ADGRB3: variants seen among roughly 807,000 people sequenced by gnomAD.
The protein encoded by ADGRB3 is adhesion G protein-coupled receptor B3.
A neutral mutation model predicts 193.4 loss-of-function variants in ADGRB3; 37 were observed. That is an observed-to-expected ratio of 0.19 (90% CI 0.15 to 0.25). The LOEUF (loss-of-function observed/expected upper bound fraction) is 0.25. ADGRB3 is among the 10% of genes least tolerant of loss of function. The probability of loss-of-function intolerance (pLI) is 1.00; values close to 1 mark genes in which losing one functional copy is unlikely to be tolerated. For missense variants in ADGRB3, 1,637 were observed against 1,852.9 expected (o/e 0.88, Z 2.14); for synonymous variants, 690 against 644.2 (o/e 1.07, Z -1.08).
At position 69,388,967 on chromosome 6, in the gene ADGRB3, T is replaced by C; in HGVS notation, c.*76T>C. ...TAAGACTTGGGAAGCCTGACATTTCTATCTGGACAGTGTGACTATCTTATG... is the reference window on the plus strand; with the variant it reads ...TAAGACTTGGGAAGCCTGACATTTCCATCTGGACAGTGTGACTATCTTATG... On this transcript the variant is annotated 3_prime_UTR_variant, in exon 32 of 32. Transcript: ENST00000370598. 1 of 1,405,572 alleles carries C rather than the reference T, an allele frequency of 7.1e-7. No individual in the cohort carries two copies. Among genetic ancestry groups the C allele is most frequent in the East Asian group, 2.4e-5 (1 of 41,664 alleles). 87.1% of individuals were successfully genotyped at this position (1,405,572 alleles called of 1,614,324 possible). A position where few individuals can be genotyped will look rare whatever the true frequency, so the allele number is the denominator to read the frequency against.
intron 17 of ADGRB3, among the ~76,000 whole-genome samples, chr6:69,086,713 TTTTA>T (rs764294806): frequency 1.3e-5 from 2 of 152,090 alleles, no homozygotes; most frequent in Non-Finnish European, 2.9e-5. Flanking sequence ...TGTCAGAAAT[TTTTA>T]TTTATTTAAA....
At chr6:69,279,452 C>CTGTGTGTG (rs56686568) in intron 20 of ADGRB3, among the ~76,000 whole-genome samples, 2 of 147,944 alleles carry the variant, frequency 1.4e-5, no homozygotes, top group African/African-American at 2.5e-5. Flanking sequence ...GTCAAGAATG[C>CTGTGTGTG]TGTGTGTGTG....
chr6:68,977,225 T>G (rs1242832939), intron 10 of ADGRB3, among the ~76,000 whole-genome samples: 1 of 151,684 alleles, frequency 6.6e-6, no homozygotes, highest in South Asian at 2.1e-4. Context: ...GCTTCTTTTA[T>G]TAATAGCTGT....
chr6:69,044,305 T>C (rs528058513), intron 13 of ADGRB3, among the ~76,000 whole-genome samples: 12 of 152,190 alleles, frequency 7.9e-5, no homozygotes, highest in Non-Finnish European at 1.5e-4. Context: ...TTCTCTGTAA[T>C]GCAACTGATG....
At chr6:69,059,037 C>G (rs1291383957) in intron 15 of ADGRB3, among the ~76,000 whole-genome samples, 1 of 151,856 alleles carries the variant, frequency 6.6e-6, no homozygotes, top group Non-Finnish European at 1.5e-5. Context: ...GTTAATCTGT[C>G]TAGTTATTAA....
chr6:69,112,609 G>A (rs556761642), intron 17 of ADGRB3, among the ~76,000 whole-genome samples: 13 of 152,052 alleles, frequency 8.5e-5, no homozygotes, highest in South Asian at 2.1e-4. Flanking sequence ...CAGGCCTTTC[G>A]TATTCATGAG....
At chr6:69,133,586 G>A (rs1404956892) in intron 17 of ADGRB3, among the ~76,000 whole-genome samples, 7 of 151,908 alleles carry the variant, frequency 4.6e-5, no homozygotes, top group Non-Finnish European at 1.0e-4. Context: ...CCAAACAATA[G>A]AAACATAGGG....
chr6:68,801,779 CA>C (rs1486275034), intron 3 of ADGRB3, among the ~76,000 whole-genome samples: 2 of 152,158 alleles, frequency 1.3e-5, no homozygotes, highest in Non-Finnish European at 2.9e-5. Flanking sequence ...CCTTATTAAA[CA>C]AATGGAAACT....
At chr6:68,796,584 GT>G (rs755379671) in intron 3 of ADGRB3, among the ~76,000 whole-genome samples, 1 of 152,106 alleles carries the variant, frequency 6.6e-6, no homozygotes, top group Non-Finnish European at 1.5e-5. Context: ...CTAGGAATAT[GT>G]TTGCCCATCT....
intron 3 of ADGRB3, among the ~76,000 whole-genome samples, chr6:68,737,186 A>G (rs908672837): frequency 2.0e-5 from 3 of 152,272 alleles, no homozygotes; most frequent in African/African-American, 7.2e-5. Flanking sequence ...GAGTTACTGT[A>G]TTAAGAGTTA....
chr6:68,675,128 A>C (rs1582115308), intron 3 of ADGRB3, among the ~76,000 whole-genome samples: 1 of 152,158 alleles, frequency 6.6e-6, no homozygotes, highest in South Asian at 2.1e-4. Flanking sequence ...TGTTGTCAGG[A>C]AAAAAGGTAA....
At chr6:69,244,484 C>T in intron 20 of ADGRB3, among the ~76,000 whole-genome samples, 1 of 152,100 alleles carries the variant, frequency 6.6e-6, no homozygotes, top group East Asian at 1.9e-4. Context: ...CTTCTGCACA[C>T]ATTTATGTAC....
chr6:69,197,472 A>G (rs1170044919), intron 17 of ADGRB3, among the ~76,000 whole-genome samples: 1 of 151,982 alleles, frequency 6.6e-6, no homozygotes, highest in Middle Eastern at 3.2e-3. Flanking sequence ...AAACTCTGAT[A>G]AAATATTCAC....
chr6:68,709,780 C>T lies in ADGRB3; in HGVS notation c.757+70348C>T, dbSNP rs942405297. 4.6e-5 allele frequency among the ~76,000 whole-genome samples: 7 copies of T among 152,016 alleles called. No homozygotes were observed. The South Asian group carries it at 6.2e-4, about 13-fold the overall frequency. Reference sequence around the variant, plus strand: ...ATGTCAAACTACGTATGCAAAAGGACGTTTCTGTTTATAGAAATAACCTAA... The same window carrying T: ...ATGTCAAACTACGTATGCAAAAGGATGTTTCTGTTTATAGAAATAACCTAA... On this transcript the variant is annotated intron_variant, in intron 3 of 31. Transcript: ENST00000370598.
chr6:68,958,469 C>CA (rs1768139786), intron 8 of ADGRB3, among the ~76,000 whole-genome samples: 1 of 152,206 alleles, frequency 6.6e-6, no homozygotes, highest in Admixed American at 6.5e-5. Context: ...GGGCATACCA[C>CA]AGTTCTTAAC....
intron 20 of ADGRB3, among the ~76,000 whole-genome samples, chr6:69,265,976 C>A (rs941451327): frequency 6.6e-6 from 1 of 151,960 alleles, no homozygotes; most frequent in South Asian, 2.1e-4. Context: ...AGAAAAGATT[C>A]AAATCACTCG....
intron 15 of ADGRB3, among the ~76,000 whole-genome samples, chr6:69,054,594 A>G (rs1311822298): frequency 6.6e-6 from 1 of 152,214 alleles, no homozygotes; most frequent in Non-Finnish European, 1.5e-5. Context: ...TAAATTATCT[A>G]TGGAAATAAC....
intron 20 of ADGRB3, among the ~76,000 whole-genome samples, chr6:69,282,394 A>AT (rs1275245452): frequency 3.3e-5 from 5 of 152,162 alleles, no homozygotes; most frequent in Admixed American, 2.0e-4. Flanking sequence ...TCATAAAAAT[A>AT]TTTTTTTAAA....
At chr6:69,169,566 A>G (rs1013075817) in intron 17 of ADGRB3, among the ~76,000 whole-genome samples, 11 of 150,284 alleles carry the variant, frequency 7.3e-5, no homozygotes, top group African/African-American at 2.4e-4. Flanking sequence ...TGATTAAATT[A>G]TCATTTAATT....
Sources: allele counts gnomAD v4.1 joint callset (sites outside exome capture counted in the v4.1 genomes callset), GRCh38; gene constraint gnomAD v4.1.1; transcripts MANE v1.5; gene names NCBI Gene and HGNC (gene_info 2026-07-23, HGNC 2026-07-21).